Variants in SLC2A13 observed in about 807,000 individuals in gnomAD.
SLC2A13 encodes solute carrier family 2 member 13.
SLC2A13 carries 32 observed loss-of-function variants against 64.4 expected under a neutral mutation model. That is an observed-to-expected ratio of 0.50 (90% CI 0.37 to 0.67). The LOEUF (loss-of-function observed/expected upper bound fraction) is 0.67, where lower values mean the gene tolerates loss of function less well. SLC2A13 is among the 30% of genes least tolerant of loss of function. SLC2A13 has a pLI of 0.00. For missense variants in SLC2A13, 743 were observed against 829.2 expected (o/e 0.90, Z 1.28); for synonymous variants, 338 against 327.1 (o/e 1.03, Z -0.36).
chr12:40,080,793 G>C (rs1186160465), intron 1 of SLC2A13, among the ~76,000 whole-genome samples: 1 of 152,212 alleles, frequency 6.6e-6, no homozygotes, highest in South Asian at 2.1e-4. Flanking sequence ...TTGCTCTATA[G>C]TGTCAGTGGG....
At chr12:39,769,121 T>C (rs1271654899) in intron 7 of SLC2A13, among the ~76,000 whole-genome samples, 1 of 152,134 alleles carries the variant, frequency 6.6e-6, no homozygotes, top group Admixed American at 6.6e-5. Flanking sequence ...TGCCATTTTA[T>C]CTCAGTTGGT....
At chr12:40,041,411 C>T (rs1480958216) in intron 2 of SLC2A13, among the ~76,000 whole-genome samples, 1 of 152,138 alleles carries the variant, frequency 6.6e-6, no homozygotes, top group African/African-American at 2.4e-5. Flanking sequence ...TTCCCTCTCC[C>T]TCACTGTACC....
Position 39,756,321 on chromosome 12 carries a change from T to A in SLC2A13, c.*3705A>T, listed in dbSNP as rs747004848. 6.6e-6 allele frequency: 1 copy of A among 151,956 alleles called. No individual in the cohort carries two copies. Among genetic ancestry groups the A allele is most frequent in the Non-Finnish European group, 1.5e-5 (1 of 67,780 alleles). 9.4% of individuals were successfully genotyped at this position (151,956 alleles called of 1,614,324 possible). ...ATCATCTATTTCTTTTACTCATAGA[T>A]ACTGAAAAGGTCTTAATTTGGTAAT... On this transcript the variant is annotated 3_prime_UTR_variant, in exon 10 of 10. Transcript: ENST00000280871.
At chr12:40,073,499 T>C (rs1938043911) in intron 1 of SLC2A13, among the ~76,000 whole-genome samples, 1 of 152,178 alleles carries the variant, frequency 6.6e-6, no homozygotes, top group Non-Finnish European at 1.5e-5. Flanking sequence ...TTTACCTTCA[T>C]TTATTTCTCT....
chr12:40,061,513 A>G (rs1948422127), intron 1 of SLC2A13, among the ~76,000 whole-genome samples: 1 of 152,156 alleles, frequency 6.6e-6, no homozygotes, highest in Admixed American at 6.6e-5. Context: ...ACAAAGTTCT[A>G]AAGGTACAGT....
chr12:40,047,448 C>G (rs1948188355), intron 2 of SLC2A13, among the ~76,000 whole-genome samples: 1 of 152,074 alleles, frequency 6.6e-6, no homozygotes, highest in South Asian at 2.1e-4. Context: ...ATATCAAAAT[C>G]CAGAGCCCAT....
At position 39,759,873 on chromosome 12, in the gene SLC2A13, G is replaced by T. The variant is rs1940070813; in HGVS notation, c.*153C>A. On this transcript the variant is annotated 3_prime_UTR_variant, in exon 10 of 10. Coordinates refer to ENST00000280871, the MANE Select transcript of SLC2A13 (RefSeq NM_052885.4). ...GTGGAAAAAAAAAGTCATCATGGTT[G>T]TATCTTCCTCCTAATCAAGTATTCT... The T allele has an allele frequency of 1.7e-6, 1 of 596,376 alleles. No individual in the cohort carries two copies. The highest frequency in any genetic ancestry group is 2.9e-6 in the Non-Finnish European group (1 of 340,660). The allele number at this position is 596,376 out of a possible 1,614,324, so 36.9% of individuals were successfully genotyped here.
At chr12:39,872,160 T>C (rs1450739458) in intron 4 of SLC2A13, among the ~76,000 whole-genome samples, 199 bp from the exon 5 acceptor site, 1 of 152,020 alleles carries the variant, frequency 6.6e-6, no homozygotes, top group African/African-American at 2.4e-5. Flanking sequence ...TATTTTGGAG[T>C]TTGTATAATC....
Position 39,994,112 on chromosome 12 carries a change from G to A in SLC2A13, c.925+34189C>T, listed in dbSNP as rs183929144. Reference sequence around the variant, plus strand: ...CAGATGATAAAAACTAATCTCTGCCGGGCGCGGTGGCTCACGCCTGTAATC... The same window carrying A: ...CAGATGATAAAAACTAATCTCTGCCAGGCGCGGTGGCTCACGCCTGTAATC... On this transcript the variant is annotated intron_variant, in intron 3 of 9. Coordinates refer to ENST00000280871, the MANE Select transcript of SLC2A13 (RefSeq NM_052885.4). 1.8e-4 allele frequency among the ~76,000 whole-genome samples: 27 copies of A among 152,108 alleles called. No individual in the cohort carries two copies. The East Asian group carries it at 2.9e-3, about 16-fold the overall frequency.
At chr12:39,898,423 A>G (rs1944985455) in intron 4 of SLC2A13, among the ~76,000 whole-genome samples, 1 of 152,136 alleles carries the variant, frequency 6.6e-6, no homozygotes, top group African/African-American at 2.4e-5. Context: ...GTAAAGTAAA[A>G]TAACCAGTGT....
intron 6 of SLC2A13, among the ~76,000 whole-genome samples, chr12:39,839,762 C>T (rs1943129979): frequency 6.6e-6 from 1 of 152,012 alleles, no homozygotes; most frequent in African/African-American, 2.4e-5. Flanking sequence ...ACACTGAGCC[C>T]CCATGACCTC....
chr12:39,975,430 T>C (rs1280250979), intron 3 of SLC2A13, among the ~76,000 whole-genome samples: 1 of 152,226 alleles, frequency 6.6e-6, no homozygotes, highest in Non-Finnish European at 1.5e-5. Context: ...CATAAAAATA[T>C]GTTCGTGTAA....
intron 1 of SLC2A13, among the ~76,000 whole-genome samples, chr12:40,074,509 T>A (rs1383071014): frequency 6.6e-6 from 1 of 152,142 alleles, no homozygotes; most frequent in East Asian, 1.9e-4. Context: ...ATCTCTAGCA[T>A]TTCTTTTACA....
chr12:40,075,255 A>G lies in SLC2A13; in HGVS notation c.557-27045T>C, dbSNP rs184692249. Among the ~76,000 whole-genome samples the G allele has an allele frequency of 5.3e-5, 8 of 152,272 alleles. No individual in the cohort carries two copies. In the East Asian group the frequency reaches 1.5e-3, roughly 29 times the overall value. ...ACTAGGTCCTCCTGGAGTTTTTAAA[A>G]TCTAAGATTTGTCCACAGTGAATCT... On this transcript the variant is annotated intron_variant, in intron 1 of 9. Transcript: ENST00000280871.
intron 7 of SLC2A13, among the ~76,000 whole-genome samples, chr12:39,803,464 A>G (rs901235493): frequency 6.6e-6 from 1 of 152,194 alleles, no homozygotes; most frequent in African/African-American, 2.4e-5. Flanking sequence ...AATTATTTAA[A>G]GAAGATATGT....
chr12:39,911,133 A>G (rs1945421274), intron 4 of SLC2A13, among the ~76,000 whole-genome samples: 1 of 151,950 alleles, frequency 6.6e-6, no homozygotes, highest in South Asian at 2.1e-4. Flanking sequence ...TATCTCATCA[A>G]TCTCTCAAGA....
chr12:39,837,589 C>T (rs1393298394), intron 6 of SLC2A13, among the ~76,000 whole-genome samples: 1 of 146,992 alleles, frequency 6.8e-6, no homozygotes, highest in African/African-American at 2.5e-5. Flanking sequence ...ACAACCTACT[C>T]ATCTGACAAA....
At chr12:39,925,030 ATTT>A (rs58902176) in intron 4 of SLC2A13, among the ~76,000 whole-genome samples, 1,753 of 119,064 alleles carry the variant, frequency 0.015, 28 homozygotes, top group South Asian at 0.072. Flanking sequence ...CATACAGATA[ATTT>A]TTTTTTTTTT....
At chr12:39,965,880 A>C (rs765207483) in intron 3 of SLC2A13, among the ~76,000 whole-genome samples, 8 of 152,094 alleles carry the variant, frequency 5.3e-5, no homozygotes, top group African/African-American at 7.2e-5. Context: ...GCTCTTAAAG[A>C]ACATTTAGGA....
Sources: allele counts gnomAD v4.1 joint callset (sites outside exome capture counted in the v4.1 genomes callset), GRCh38; gene constraint gnomAD v4.1.1; transcripts MANE v1.5; gene names NCBI Gene and HGNC (gene_info 2026-07-23, HGNC 2026-07-21).